ARHGEF9: variants seen among roughly 807,000 people sequenced by gnomAD.
ARHGEF9 encodes Cdc42 guanine nucleotide exchange factor 9, also known as rho guanine nucleotide exchange factor 9.
Under a neutral mutation model 41.3 loss-of-function variants are expected in ARHGEF9, and 2 were observed. That is an observed-to-expected ratio of 0.05 (90% confidence interval 0.02 to 0.15). The LOEUF is 0.15. Ranked by LOEUF, ARHGEF9 falls within the 10% of genes least tolerant of loss-of-function variation. The pLI, the probability that ARHGEF9 is intolerant of heterozygous loss-of-function variation, is 1.00. For synonymous variants in ARHGEF9, 160 were observed against 154.4 expected (o/e 1.04, Z -0.27); for missense variants, 225 against 424.7 (o/e 0.53, Z 4.13).
chrX:63,723,748 C>A (rs1449802878), intron 2 of ARHGEF9, among the ~76,000 whole-genome samples: 1 of 111,876 alleles, frequency 8.9e-6, no homozygotes, highest in Non-Finnish European at 1.9e-5. Context: ...TCCCATAGCA[C>A]CCTGAGGTCA....
intron 8 of ARHGEF9, among the ~76,000 whole-genome samples, chrX:63,653,393 C>A (rs1316205889): frequency 1.8e-5 from 2 of 111,390 alleles, no homozygotes; most frequent in Admixed American, 9.6e-5. Flanking sequence ...GAATTCTGAG[C>A]CACTTAGTCA....
chrX:63,700,669 C>A (rs1188253543), intron 3 of ARHGEF9, among the ~76,000 whole-genome samples: 3 of 111,020 alleles, frequency 2.7e-5, no homozygotes, highest in African/African-American at 9.8e-5. Flanking sequence ...TAGCACACAG[C>A]CAGAGGGGAG....
At chrX:63,674,877 C>T (rs1244353747) in intron 5 of ARHGEF9, among the ~76,000 whole-genome samples, 1 of 111,575 alleles carries the variant, frequency 9.0e-6, no homozygotes, top group Non-Finnish European at 1.9e-5. Context: ...CCTTGAAATG[C>T]ATGAGGCTAG....
chrX:63,767,934 G>A (rs782153772), intron 1 of ARHGEF9, among the ~76,000 whole-genome samples: 2 of 111,910 alleles, frequency 1.8e-5, no homozygotes, highest in African/African-American at 6.5e-5. Flanking sequence ...CACCTTTAAA[G>A]TAGGGAGAGT....
chrX:63,664,024 G>A, intron 7 of ARHGEF9, among the ~76,000 whole-genome samples: 1 of 111,938 alleles, frequency 8.9e-6, no homozygotes, highest in East Asian at 2.8e-4. Context: ...AAACAAGAAA[G>A]CTCCCTTCTG....
intron 3 of ARHGEF9, among the ~76,000 whole-genome samples, chrX:63,698,118 T>G (rs1297974386): frequency 9.4e-6 from 1 of 105,948 alleles, no homozygotes; most frequent in Non-Finnish European, 1.9e-5. Flanking sequence ...TTTATATATA[T>G]ATATATAAAT....
intron 1 of ARHGEF9, among the ~76,000 whole-genome samples, chrX:63,739,204 T>TCAC (rs2054799824): frequency 8.9e-6 from 1 of 111,732 alleles, no homozygotes; most frequent in African/African-American, 3.3e-5. Context: ...GAGGTGCGGG[T>TCAC]GACCAAGGTG....
At chrX:63,643,848 G>A (rs1346212953) in intron 9 of ARHGEF9, 132 bp downstream of exon 9, 17 of 593,066 alleles carry the variant, frequency 2.9e-5, no homozygotes, top group Non-Finnish European at 4.2e-5. Context: ...CTGTCATCAA[G>A]GACACCTAGG....
chrX:63,705,619 A>G (rs1423569576), intron 3 of ARHGEF9, among the ~76,000 whole-genome samples: 1 of 111,219 alleles, frequency 9.0e-6, no homozygotes, highest in African/African-American at 3.3e-5. Flanking sequence ...GAAGGAGCCC[A>G]GGTTTGTCCA....
intron 8 of ARHGEF9, among the ~76,000 whole-genome samples, chrX:63,652,374 C>T (rs1166175161): frequency 9.0e-6 from 1 of 111,033 alleles, no homozygotes; most frequent in Non-Finnish European, 1.9e-5. Flanking sequence ...GTTTTTATTC[C>T]CTAAACAATA....
At chrX:63,734,172 C>A (rs2054477625) in intron 1 of ARHGEF9, among the ~76,000 whole-genome samples, 1 of 111,730 alleles carries the variant, frequency 9.0e-6, no homozygotes, top group Non-Finnish European at 1.9e-5. Flanking sequence ...ATGTTAAGAA[C>A]TTGGTCTTGT....
rs1556301451 is a variant in ARHGEF9 at position 63,638,208 on chromosome X, A to G, written c.1392T>C (p.Gly464=). 1.7e-6 allele frequency: 2 copies of G among 1,180,129 alleles called. No individual in the cohort carries two copies. The highest frequency in any genetic ancestry group is 1.1e-6 in the Non-Finnish European group (1 of 878,882). Residue 464 remains glycine (G), a splice_region_variant and synonymous_variant, in exon 10 of 10, where the codon GGT becomes GGC. Transcript: ENST00000671741. Reference sequence around the variant, plus strand: ...GAGGAACTGAGCGGGCAGAGTTGACACCTAGAGTAGATGAGAGATCAAAGG... The same window carrying G: ...GAGGAACTGAGCGGGCAGAGTTGACGCCTAGAGTAGATGAGAGATCAAAGG... ...MTVRKVPKQK[G]VNSARSVPPS... is the part of the protein sequence containing the mutation.
At chrX:63,721,145 G>T (rs782128896) in intron 2 of ARHGEF9, among the ~76,000 whole-genome samples, 23 of 111,763 alleles carry the variant, frequency 2.1e-4, no homozygotes, top group African/African-American at 7.2e-4. Flanking sequence ...TTTCATAGAG[G>T]TGAAAAGCTT....
chrX:63,779,442 T>TA (rs2056346006), intron 1 of ARHGEF9, among the ~76,000 whole-genome samples: 1 of 111,686 alleles, frequency 9.0e-6, no homozygotes, highest in African/African-American at 3.3e-5. Flanking sequence ...CTGCCCTTTA[T>TA]AAAACCATCA....
intron 4 of ARHGEF9, among the ~76,000 whole-genome samples, chrX:63,692,904 A>C (rs1556383058): frequency 8.9e-6 from 1 of 112,240 alleles, no homozygotes; most frequent in Non-Finnish European, 1.9e-5. Flanking sequence ...TGTCATTTGC[A>C]GCAACATGGG....
At chrX:63,645,184 T>C (rs533377540) in intron 8 of ARHGEF9, among the ~76,000 whole-genome samples, 1 of 111,140 alleles carries the variant, frequency 9.0e-6, no homozygotes, top group African/African-American at 3.3e-5. Flanking sequence ...TGAGATACAG[T>C]TGAGACTTTA....
chrX:63,725,289 G>T (rs2053888609), intron 1 of ARHGEF9, among the ~76,000 whole-genome samples: 1 of 111,285 alleles, frequency 9.0e-6, no homozygotes, highest in Admixed American at 9.5e-5. Flanking sequence ...ATCCAGAGAG[G>T]TCATGGGTAG....
chrX:63,686,675 C>T (rs1191329540), intron 4 of ARHGEF9, among the ~76,000 whole-genome samples: 2 of 111,320 alleles, frequency 1.8e-5, no homozygotes, highest in Non-Finnish European at 3.8e-5. Context: ...ATTCTCATAA[C>T]TGAGAATGTC....
At chrX:63,645,069 C>T (rs2047920683) in intron 8 of ARHGEF9, among the ~76,000 whole-genome samples, 5 of 110,026 alleles carry the variant, frequency 4.5e-5, no homozygotes, top group African/African-American at 1.3e-4. Flanking sequence ...GCCACTGTAC[C>T]CAGTGTAATA....
Sources: gnomAD v4.1 joint callset for allele counts (sites outside exome capture counted in the v4.1 genomes callset) on GRCh38, gnomAD v4.1.1 for gene constraint, MANE v1.5 for transcripts, NCBI Gene and HGNC (gene_info 2026-07-23, HGNC 2026-07-21) for gene names.